The following F13A1 variants were observed in gnomAD, a reference collection of about 807,000 sequenced individuals.
F13A1 encodes the protein FSF, A subunit.
F13A1 carries 47 observed loss-of-function variants against 80.1 expected under a neutral mutation model. That is an observed-to-expected ratio of 0.59 (90% CI 0.46 to 0.75). The LOEUF is 0.75. Among genes scored for constraint, F13A1 ranks in the 30% least tolerant of loss-of-function variants. The pLI is 0.00. For missense variants in F13A1, 817 were observed against 930.4 expected, an observed-to-expected ratio of 0.88 and a Z score of 1.59; for synonymous variants, 349 against 344.9, an observed-to-expected ratio of 1.01 and a Z score of -0.13.
intron 1 of F13A1, among the ~76,000 whole-genome samples, chr6:6,319,692 A>G (rs367777928): frequency 1.3e-5 from 2 of 152,204 alleles, no homozygotes; most frequent in African/African-American, 2.4e-5. Context: ...AAGAGTCCCC[A>G]TTATAGAGGC....
chr6:6,312,053 A>G (rs1758610464), intron 2 of F13A1, among the ~76,000 whole-genome samples: 1 of 149,094 alleles, frequency 6.7e-6, no homozygotes, highest in African/African-American at 2.4e-5. Flanking sequence ...AGTTACATAT[A>G]TATAAAGTTA....
intron 6 of F13A1, among the ~76,000 whole-genome samples, chr6:6,227,866 A>T (rs1757298817): frequency 6.6e-6 from 1 of 152,208 alleles, no homozygotes; most frequent in Non-Finnish European, 1.5e-5. Flanking sequence ...CCCTGTTGCT[A>T]GATAAATCAC....
At chr6:6,151,170 T>A (rs4352723) in intron 14 of F13A1, among the ~76,000 whole-genome samples, 4 of 152,018 alleles carry the variant, frequency 2.6e-5, no homozygotes, top group African/African-American at 9.7e-5. Flanking sequence ...CAATTTGAAG[T>A]GGCCTGTGTG....
At chr6:6,279,815 TAA>T (rs143148271) in intron 3 of F13A1, among the ~76,000 whole-genome samples, 3,225 of 152,240 alleles carry the variant, frequency 0.021, 64 homozygotes, top group African/African-American at 0.037. Flanking sequence ...ACTTAAAAAA[TAA>T]AGTGTCATTA....
At chr6:6,299,433 A>T (rs1229371909) in intron 3 of F13A1, among the ~76,000 whole-genome samples, 3 of 133,404 alleles carry the variant, frequency 2.2e-5, no homozygotes, top group Non-Finnish European at 4.5e-5. Context: ...TATTTCTTAG[A>T]GGCTTTGCTC....
At chr6:6,178,339 T>C (rs1760921057) in intron 11 of F13A1, among the ~76,000 whole-genome samples, 1 of 152,202 alleles carries the variant, frequency 6.6e-6, no homozygotes, top group African/African-American at 2.4e-5. Context: ...TAATATTTAA[T>C]TTTTAGGCTA....
At chr6:6,271,373 G>A (rs1233579290) in intron 3 of F13A1, among the ~76,000 whole-genome samples, 1 of 152,130 alleles carries the variant, frequency 6.6e-6, no homozygotes, top group Non-Finnish European at 1.5e-5. Flanking sequence ...CCACAATCCA[G>A]CTACCCTGGG....
chr6:6,238,715 C>CATATATATATATATATATGTAT (rs1554102283), intron 6 of F13A1, among the ~76,000 whole-genome samples: 1 of 145,990 alleles, frequency 6.8e-6, no homozygotes, highest in African/African-American at 2.6e-5. Context: ...AAACATGCTG[C>CATATATATATATATATATGTAT]ATATATATAT....
At chr6:6,211,142 A>G (rs1761600910) in intron 8 of F13A1, among the ~76,000 whole-genome samples, 1 of 152,250 alleles carries the variant, frequency 6.6e-6, no homozygotes, top group African/African-American at 2.4e-5. Flanking sequence ...CGTGCCACTA[A>G]CAGTAATTAC....
At chr6:6,164,389 G>A (rs923157965) in intron 13 of F13A1, among the ~76,000 whole-genome samples, 2 of 151,914 alleles carry the variant, frequency 1.3e-5, no homozygotes, top group African/African-American at 2.4e-5. Context: ...ACTGGGTACC[G>A]GGCTTAGTAC....
At chr6:6,214,331 C>G (rs1232967140) in intron 8 of F13A1, among the ~76,000 whole-genome samples, 1 of 151,758 alleles carries the variant, frequency 6.6e-6, no homozygotes, top group Non-Finnish European at 1.5e-5. Context: ...CAAACTATGT[C>G]TCAGACCACA....
Position 6,174,577 on chromosome 6 carries a change from T to C in F13A1, c.1747+3A>G. 2 of 1,614,068 alleles carry C rather than the reference T, an allele frequency of 1.2e-6. No individual in the cohort carries two copies. Among genetic ancestry groups the C allele is most frequent in the South Asian group, 2.2e-5 (2 of 91,080 alleles). On this transcript the variant is annotated splice_donor_region_variant and intron_variant, in intron 12 of 14. Transcript: ENST00000264870. ...AGAAAGAACCACACCATTGTTAGCT[T>C]ACAGGACAAGGGCTCCAGCGTCACG...
Position 6,250,424 on chromosome 6 carries a change from A to G in F13A1, c.690+387T>C, listed in dbSNP as rs548205648. Among the ~76,000 whole-genome samples the G allele has an allele frequency of 6.1e-4, 93 of 152,166 alleles. No homozygotes were observed. The highest frequency in any genetic ancestry group is 1.1e-3 in the Non-Finnish European group (76 of 68,018). The stretch of plus-strand genomic sequence containing the variant: ...TAGGCTAACACTTAAAAAAAAAAAA[A>G]AAGAAGCTATTTCTTTGAATTGGGC... On this transcript the variant is annotated intron_variant, in intron 5 of 14. Transcript: ENST00000264870. This position sits in a 1 kb window ranked among gnomAD's most constrained non-coding sequence, Gnocchi z 4.2.
chr6:6,243,176 T>TACCACCATCACTCCC lies in F13A1; in HGVS notation c.798+5121_798+5135dup, dbSNP rs1428966757. On this transcript the variant is annotated intron_variant, in intron 6 of 14. Transcript: ENST00000264870. This position sits in a 1 kb window ranked among gnomAD's most constrained non-coding sequence, Gnocchi z 4.2. ...CACCACATTACGCCATCACCACCAC[T>TACCACCATCACTCCC]ACCACCATCACTCCCACCACCATCA... Among the ~76,000 whole-genome samples, 3 of 145,364 alleles carry TACCACCATCACTCCC rather than the reference T, an allele frequency of 2.1e-5. No individual in the cohort carries two copies. The highest frequency in any genetic ancestry group is 4.4e-4 in the South Asian group (2 of 4,570).
intron 10 of F13A1, among the ~76,000 whole-genome samples, chr6:6,193,227 C>A (rs1373670017): frequency 6.6e-6 from 1 of 152,184 alleles, no homozygotes; most frequent in Non-Finnish European, 1.5e-5. Flanking sequence ...GCATACCCCT[C>A]TTCTTTTTAG....
chr6:6,169,586 A>G (rs1561641862), intron 12 of F13A1, among the ~76,000 whole-genome samples: 1 of 152,150 alleles, frequency 6.6e-6, no homozygotes, highest in Non-Finnish European at 1.5e-5. Flanking sequence ...GTCATCCTAG[A>G]CTAGTAGTTG....
intron 2 of F13A1, among the ~76,000 whole-genome samples, chr6:6,307,310 G>GTT (rs1477105451): frequency 6.6e-6 from 1 of 151,806 alleles, no homozygotes; most frequent in Non-Finnish European, 1.5e-5. Context: ...TCAGAACCCT[G>GTT]TTGTATACAT....
At chr6:6,282,931 G>A (rs576162103) in intron 3 of F13A1, among the ~76,000 whole-genome samples, 6 of 152,158 alleles carry the variant, frequency 3.9e-5, no homozygotes, top group Non-Finnish European at 7.3e-5. Flanking sequence ...TCCTTCCACA[G>A]GAGTTGATCC....
Position 6,222,142 on chromosome 6 carries a change from T to C in F13A1, c.1003A>G (p.Ile335Val). 7 of 1,614,068 alleles carry C rather than the reference T, an allele frequency of 4.3e-6. No individual in the cohort carries two copies. The highest frequency in any genetic ancestry group is 5.1e-6 in the Non-Finnish European group (6 of 1,179,930). The part of the protein sequence containing the change: ...FLRCLGIPAR[I>V]VTNYFSAHDN... ...TGGGCAGAGAAATAATTGGTAACAA[T>C]TCTTGCTGGTATTCCAAGGCATCGT... The change falls in exon 8 of 15, where the codon ATT (isoleucine) becomes GTT (valine). Residue 335 changes from isoleucine (I) to valine (V), a missense_variant. Physicochemically the swap from Ile to Val is conservative, Grantham distance 29. Transcript: ENST00000264870.
Sources: allele counts gnomAD v4.1 joint callset (sites outside exome capture counted in the v4.1 genomes callset), GRCh38; gene constraint gnomAD v4.1.1; non-coding constraint Gnocchi (gnomAD v3.1); transcripts MANE v1.5; gene names NCBI Gene and HGNC (gene_info 2026-07-23, HGNC 2026-07-21).